Variants in TAFA5 observed in about 807,000 individuals in gnomAD.
TAFA5 encodes chemokine-like protein TAFA-5.
Under a neutral mutation model 15.3 loss-of-function variants are expected in TAFA5, and 6 were observed. The observed-to-expected ratio is 0.39, with a 90% CI of 0.21 to 0.77. The LOEUF is 0.77. Among genes scored for constraint, TAFA5 ranks in the 30% least tolerant of loss-of-function variants. TAFA5 has a pLI of 0.41. For synonymous variants in TAFA5, 103 were observed against 80.7 expected (o/e 1.28, Z -1.48); for missense variants, 161 against 193.1 (o/e 0.83, Z 0.98).
chr22:48,701,619 T>C (rs1258018315), intron 2 of TAFA5, among the ~76,000 whole-genome samples: 1 of 152,228 alleles, frequency 6.6e-6, no homozygotes, highest in Non-Finnish European at 1.5e-5. Context: ...CCCAACCGTT[T>C]TTGGCAAGTT....
rs78678560 is a variant in TAFA5, at chr22:48,667,532, G to A, written c.262+20786G>A. Among the ~76,000 whole-genome samples, 351 of 152,298 alleles carry A rather than the reference G, an allele frequency of 2.3e-3. 2 individuals are homozygous for A. The highest frequency in any genetic ancestry group is 8.1e-3 in the African/African-American group (335 of 41,564). On this transcript the variant is annotated intron_variant, in intron 2 of 3. Transcript: ENST00000402357. ...CACGTGAGTGCCCCTCCCGCCTTCC[G>A]TGCCACACTCCCCTGTTGATATTTA...
chr22:48,588,827 A>G (rs1005597633), intron 1 of TAFA5, among the ~76,000 whole-genome samples: 4 of 152,086 alleles, frequency 2.6e-5, no homozygotes, highest in South Asian at 4.2e-4. Context: ...GACCATTCCA[A>G]CTGGACCGCA....
intron 3 of TAFA5, among the ~76,000 whole-genome samples, chr22:48,729,048 T>C (rs931429932): frequency 1.3e-5 from 2 of 151,922 alleles, no homozygotes; most frequent in African/African-American, 4.8e-5. Flanking sequence ...TAAATGTATA[T>C]TTTTTCTAGG....
At chr22:48,507,454 C>T (rs76915184) in intron 1 of TAFA5, among the ~76,000 whole-genome samples, 40 of 152,318 alleles carry the variant, frequency 2.6e-4, no homozygotes, top group African/African-American at 5.3e-4. Flanking sequence ...CTTGGAAAAT[C>T]GCCAGACGTG....
At chr22:48,722,873 A>C (rs1480420843) in intron 3 of TAFA5, among the ~76,000 whole-genome samples, 2 of 152,198 alleles carry the variant, frequency 1.3e-5, no homozygotes, top group African/African-American at 4.8e-5. Flanking sequence ...GAGCATATGT[A>C]GAACTGGACG....
chr22:48,624,425 G>A (rs1481490618), intron 1 of TAFA5, among the ~76,000 whole-genome samples: 2 of 152,226 alleles, frequency 1.3e-5, no homozygotes, highest in Non-Finnish European at 2.9e-5. Flanking sequence ...GGAGGGACAG[G>A]CCGCCTCCAT....
intron 3 of TAFA5, among the ~76,000 whole-genome samples, chr22:48,749,002 A>G (rs1930405854): frequency 6.6e-6 from 1 of 152,052 alleles, no homozygotes; most frequent in African/African-American, 2.4e-5. Flanking sequence ...GGAAAGGGTG[A>G]GTGTCAGGGG....
In TAFA5 at chr22:48,718,014, A is replaced by G. The variant is rs1017840047; in HGVS notation, c.390+10170A>G. Among the ~76,000 whole-genome samples the G allele has an allele frequency of 2.6e-5, 4 of 152,346 alleles. No individual in the cohort carries two copies. In the South Asian group the frequency reaches 8.3e-4, roughly 32 times the overall value. ...GAGCCACTTCATCTGGGAGTGAGAT[A>G]GAGCTGCCTTCACGAGCCCAGGTGG... On this transcript the variant is annotated intron_variant, in intron 3 of 3. Transcript: ENST00000402357.
rs1237452032 is a variant in TAFA5, at chr22:48,489,884, G to A, written c.112+180G>A. On this transcript the variant is annotated intron_variant, in intron 1 of 3. Coordinates refer to ENST00000402357, the MANE Select transcript of TAFA5 (RefSeq NM_001082967.3). The surrounding 1 kb of genome is among the most constrained non-coding windows in gnomAD (Gnocchi z 5.5). ...GCTGGGCGGGCGAGAGGGTCCACCC[G>A]GGTTCCGGGCGCTCGAGCACTTCGG... 6.6e-6 allele frequency among the ~76,000 whole-genome samples: 1 copy of A among 151,796 alleles called. No homozygotes were observed. Among genetic ancestry groups the A allele is most frequent in the Non-Finnish European group, 1.5e-5 (1 of 67,934 alleles).
In TAFA5 at chr22:48,584,518, CAT is replaced by C. The variant is rs371600456; in HGVS notation, c.113-62077_113-62076del. ...ACAAAATACACCACACACACACACACATACACACCACACAAAATACACACACA... is the reference window on the plus strand; with the variant it reads ...ACAAAATACACCACACACACACACACACACACCACACAAAATACACACACA... On this transcript the variant is annotated intron_variant, in intron 1 of 3. Transcript: ENST00000402357. Among the ~76,000 whole-genome samples the C allele has an allele frequency of 2.4e-4, 34 of 140,646 alleles. 1 individual carries two copies. The East Asian group carries it at 3.8e-3, about 16-fold the overall frequency. The allele number at this position is 140,646 out of a possible 152,430, so 92.3% of individuals were successfully genotyped here.
intron 1 of TAFA5, among the ~76,000 whole-genome samples, chr22:48,631,400 G>C (rs1001030976): frequency 6.6e-6 from 1 of 152,190 alleles, no homozygotes; most frequent in South Asian, 2.1e-4. Flanking sequence ...ACAGGCCTCT[G>C]CCTGGAAGGG....
intron 1 of TAFA5, among the ~76,000 whole-genome samples, chr22:48,547,841 A>G (rs1922728769): frequency 6.6e-6 from 1 of 152,132 alleles, no homozygotes; most frequent in African/African-American, 2.4e-5. Context: ...CTGCCGCTGC[A>G]TTTCACACGT....
chr22:48,514,423 G>A (rs1921330385), intron 1 of TAFA5, among the ~76,000 whole-genome samples: 1 of 152,230 alleles, frequency 6.6e-6, no homozygotes, highest in African/African-American at 2.4e-5. Context: ...TTGGTAGCCA[G>A]GGAATAACTT....
chr22:48,570,897 C>G (rs1281114164), intron 1 of TAFA5, among the ~76,000 whole-genome samples: 1 of 152,198 alleles, frequency 6.6e-6, no homozygotes, highest in Admixed American at 6.5e-5. Flanking sequence ...GTTGGAGATT[C>G]TTTCAAGTAT....
intron 2 of TAFA5, among the ~76,000 whole-genome samples, chr22:48,663,793 C>T (rs1048169587): frequency 3.9e-5 from 6 of 152,154 alleles, no homozygotes; most frequent in African/African-American, 1.4e-4. Flanking sequence ...ACTAAGTAGC[C>T]GTCTTGGTTA....
intron 3 of TAFA5, among the ~76,000 whole-genome samples, chr22:48,712,981 G>A (rs1216061202): frequency 1.3e-5 from 2 of 152,180 alleles, no homozygotes; most frequent in African/African-American, 2.4e-5. Flanking sequence ...ACTGGCTTTT[G>A]GAAATATTCT....
At chr22:48,579,815 A>T (rs1397959171) in intron 1 of TAFA5, among the ~76,000 whole-genome samples, 2 of 152,246 alleles carry the variant, frequency 1.3e-5, no homozygotes, top group African/African-American at 4.8e-5. Flanking sequence ...CAGGCAGGCC[A>T]CAGCGGCAGA....
At position 48,749,750 on chromosome 22, in the gene TAFA5, G is replaced by A. The variant is rs575990391; in HGVS notation, c.391-89G>A. The A allele has an allele frequency of 2.0e-5, 29 of 1,468,440 alleles. 2 individuals carry two copies. In the South Asian group the frequency reaches 2.9e-4, roughly 15 times the overall value. The allele number at this position is 1,468,440 out of a possible 1,614,324, so 91.0% of individuals were successfully genotyped here. A position where few individuals can be genotyped will look rare whatever the true frequency, so the allele number is the denominator to read the frequency against. ...GGCCCTCCAGGAGGCCGGCTGGCAG[G>A]AGCCGGGGAGGGAAGAGGAGCCTGT... On this transcript the variant is annotated intron_variant, in intron 3 of 3. Coordinates refer to ENST00000402357, the MANE Select transcript of TAFA5 (RefSeq NM_001082967.3).
chr22:48,514,630 G>T (rs1372132558), intron 1 of TAFA5, among the ~76,000 whole-genome samples: 2 of 152,066 alleles, frequency 1.3e-5, no homozygotes, highest in Non-Finnish European at 2.9e-5. Context: ...AGAGCCTGGG[G>T]GTCAGTCCCC....
Sources: allele counts gnomAD v4.1 joint callset (sites outside exome capture counted in the v4.1 genomes callset), GRCh38; gene constraint gnomAD v4.1.1; non-coding constraint Gnocchi (gnomAD v3.1); transcripts MANE v1.5; gene names NCBI Gene and HGNC (gene_info 2026-07-23, HGNC 2026-07-21).